Variants in SEC23A observed in about 807,000 individuals in gnomAD.
SEC23A encodes protein transport protein Sec23A.
A neutral mutation model predicts 103.7 loss-of-function variants in SEC23A; 56 were observed. The ratio of observed to expected loss-of-function variants is 0.54; its 90% confidence interval spans 0.44 to 0.67. The LOEUF (loss-of-function observed/expected upper bound fraction) is 0.67. SEC23A is among the 30% of genes least tolerant of loss of function. The pLI is 0.00. For synonymous variants in SEC23A, 281 were observed against 293.0 expected, an observed-to-expected ratio of 0.96 and a Z score of 0.42; for missense variants, 784 against 936.4, an observed-to-expected ratio of 0.84 and a Z score of 2.12.
chr14:39,049,804 T>G (rs1885989549), intron 14 of SEC23A, among the ~76,000 whole-genome samples: 3 of 151,094 alleles, frequency 2.0e-5, no homozygotes, highest in Non-Finnish European at 4.4e-5. Context: ...CAATTTTTTT[T>G]TTTTTGAGAC....
chr14:39,089,577 C>T (rs975380838), intron 5 of SEC23A, among the ~76,000 whole-genome samples: 20 of 152,154 alleles, frequency 1.3e-4, no homozygotes, highest in African/African-American at 4.3e-4. Context: ...TTTCTCCTTC[C>T]TCCTAAAGTA....
At chr14:39,054,718 G>A (rs1268504035) in intron 14 of SEC23A, among the ~76,000 whole-genome samples, 1 of 152,090 alleles carries the variant, frequency 6.6e-6, no homozygotes, top group African/African-American at 2.4e-5. Context: ...TGGGATTACT[G>A]CCATTAGCCA....
intron 7 of SEC23A, among the ~76,000 whole-genome samples, chr14:39,078,292 G>A (rs553514559): frequency 1.3e-5 from 2 of 151,622 alleles, no homozygotes; most frequent in Non-Finnish European, 2.9e-5. Context: ...TTAAAGATAG[G>A]AAATAATGCA....
At chr14:39,081,196 A>C (rs1887214203) in intron 7 of SEC23A, among the ~76,000 whole-genome samples, 1 of 151,274 alleles carries the variant, frequency 6.6e-6, no homozygotes, top group South Asian at 2.1e-4. Context: ...TGAGCAACAG[A>C]GGCTCTGTTT....
At chr14:39,101,217 C>A (rs1218754356) in intron 1 of SEC23A, among the ~76,000 whole-genome samples, 1 of 152,122 alleles carries the variant, frequency 6.6e-6, no homozygotes, top group Non-Finnish European at 1.5e-5. Flanking sequence ...AATTTCAGTA[C>A]AATATACTTT....
Position 39,074,343 on chromosome 14 carries a change from A to C in SEC23A, c.1103+72T>G. The C allele has an allele frequency of 3.1e-6, 3 of 962,556 alleles. No homozygotes were observed. The South Asian group carries it at 3.9e-5, about 12-fold the overall frequency. The allele number at this position is 962,556 out of a possible 1,614,324, so 59.6% of individuals were successfully genotyped here. Reference sequence around the variant, plus strand: ...AGATGACACTTTTCCCTAAATGGTCATTATTGGTTTATATCAGTAAATGTC... The same window carrying C: ...AGATGACACTTTTCCCTAAATGGTCCTTATTGGTTTATATCAGTAAATGTC... On this transcript the variant is annotated intron_variant, in intron 9 of 19. Coordinates refer to ENST00000307712, the MANE Select transcript of SEC23A (RefSeq NM_006364.4).
At chr14:39,042,758 A>G (rs1885690769) in intron 17 of SEC23A, 28 bp downstream of exon 17, 2 of 1,419,636 alleles carry the variant, frequency 1.4e-6, no homozygotes, top group African/African-American at 2.8e-5. Context: ...CTTTACATGC[A>G]TAGCTTTAAA....
chr14:39,038,488 TTGA>T (rs1478803120), intron 19 of SEC23A, among the ~76,000 whole-genome samples: 1 of 152,146 alleles, frequency 6.6e-6, no homozygotes, highest in Non-Finnish European at 1.5e-5. Flanking sequence ...TCAATAAATG[TTGA>T]TATGTTATAC....
chr14:39,045,528 A>AC (rs1314261306), intron 15 of SEC23A, among the ~76,000 whole-genome samples: 6 of 152,062 alleles, frequency 3.9e-5, no homozygotes, highest in Non-Finnish European at 8.8e-5. Flanking sequence ...ACAAGAAAAA[A>AC]AATTTAAGAA....
rs780581199 is a variant in SEC23A at position 39,040,851 on chromosome 14, T to C, written c.2023A>G (p.Met675Val). The change falls in exon 18 of 20, where the codon ATG (methionine) becomes GTG (valine). Residue 675 changes from methionine to valine, a missense_variant. Met to Val is a conservative substitution (Grantham distance 21). Transcript: ENST00000307712. ...TGGCGGAAATTTTCATACTCAGGCA[T>C]ATCCTGGTATCCTGACTTCCGCCAC... ...AQWRKSGYQD[M>V]PEYENFRHLL... The C allele has an allele frequency of 3.7e-6, 6 of 1,614,076 alleles. No homozygotes were observed. Among genetic ancestry groups the C allele is most frequent in the Non-Finnish European group, 5.1e-6 (6 of 1,180,034 alleles).
At chr14:39,085,292 G>A (rs139281852) in intron 7 of SEC23A, among the ~76,000 whole-genome samples, 3 of 152,288 alleles carry the variant, frequency 2.0e-5, no homozygotes, top group African/African-American at 4.8e-5. Context: ...CCATCTGACT[G>A]TTCATCTATA....
intron 14 of SEC23A, 37 bp from the exon 15 acceptor site, chr14:39,048,766 G>T: frequency 8.6e-7 from 1 of 1,160,140 alleles, no homozygotes; most frequent in Non-Finnish European, 1.3e-6. Context: ...TTTATTTCCT[G>T]GAATAAAAGC....
chr14:39,058,041 A>G (rs192469785), intron 13 of SEC23A, among the ~76,000 whole-genome samples: 6 of 152,386 alleles, frequency 3.9e-5, no homozygotes, highest in Admixed American at 3.3e-4. Flanking sequence ...AATTTATTAA[A>G]TCCAAATGCT....
intron 7 of SEC23A, 43 bp downstream of exon 7, chr14:39,085,719 C>CAT: frequency 6.7e-7 from 1 of 1,483,136 alleles, no homozygotes; most frequent in Non-Finnish European, 9.3e-7. Flanking sequence ...CACACACACA[C>CAT]ACACACACAC....
rs185772215 is a variant in SEC23A at position 39,032,769 on chromosome 14, T to C, written c.*470A>G. On this transcript the variant is annotated 3_prime_UTR_variant, in exon 20 of 20. Transcript: ENST00000307712. ...ACCTAGTAAGTACAGAAAAAGTGTATACATAAGTGCTGAAAATTACAGAAA... is the reference window on the plus strand; with the variant it reads ...ACCTAGTAAGTACAGAAAAAGTGTACACATAAGTGCTGAAAATTACAGAAA... 7 of 157,604 alleles carry C rather than the reference T, an allele frequency of 4.4e-5. No individual in the cohort carries two copies. The East Asian group carries it at 1.3e-3, about 29-fold the overall frequency. 9.8% of individuals were successfully genotyped at this position (157,604 alleles called of 1,614,324 possible). A position where few individuals can be genotyped will look rare whatever the true frequency, so the allele number is the denominator to read the frequency against.
intron 1 of SEC23A, among the ~76,000 whole-genome samples, chr14:39,099,131 A>G (rs1051775305): frequency 1.3e-5 from 2 of 150,876 alleles, no homozygotes; most frequent in Non-Finnish European, 2.9e-5. Context: ...TGAGCTTTCA[A>G]GCAAACATTA....
intron 15 of SEC23A, chr14:39,047,322 A>G (rs1163970471): frequency 9.2e-7 from 1 of 1,083,334 alleles, no homozygotes; most frequent in South Asian, 1.3e-5. Flanking sequence ...TCACTTTCCT[A>G]TTAGTTTCTG....
At chr14:39,066,054 G>C (rs770455934) in intron 10 of SEC23A, among the ~76,000 whole-genome samples, 6 of 132,974 alleles carry the variant, frequency 4.5e-5, no homozygotes, top group South Asian at 2.5e-4. Context: ...CACTCCTCTA[G>C]AAGTCTAGAA....
At chr14:39,039,338 C>A in intron 18 of SEC23A, 2 of 420,216 alleles carry the variant, frequency 4.8e-6, no homozygotes, top group South Asian at 3.8e-5. Flanking sequence ...TTGTTGAGTC[C>A]AAAACTCAGC....
Sources: gnomAD v4.1 joint callset for allele counts (sites outside exome capture counted in the v4.1 genomes callset) on GRCh38, gnomAD v4.1.1 for gene constraint, MANE v1.5 for transcripts, NCBI Gene and HGNC (gene_info 2026-07-23, HGNC 2026-07-21) for gene names.